The following XKR4 variants were observed in gnomAD, a reference collection of about 807,000 sequenced individuals.
XKR4 encodes XK-related protein 4.
In XKR4, 12 loss-of-function variants were observed where a neutral mutation model predicts 53.9. That is an observed-to-expected ratio of 0.22 (90% CI 0.14 to 0.36). The LOEUF is 0.36. Among genes scored for constraint, XKR4 ranks in the 10% least tolerant of loss-of-function variants. The pLI is 1.00. For missense variants in XKR4, 799 were observed against 859.5 expected (o/e 0.93, Z 0.88); for synonymous variants, 354 against 362.4 (o/e 0.98, Z 0.26).
chr8:55,399,308 A>T (rs188034933), intron 2 of XKR4, among the ~76,000 whole-genome samples: 25 of 152,340 alleles, frequency 1.6e-4, no homozygotes, highest in African/African-American at 6.0e-4. Flanking sequence ...AAGGAGGCAG[A>T]AAGTACCAAA....
Position 55,348,204 on chromosome 8 carries a change from G to A in XKR4, c.807-9474G>A, listed in dbSNP as rs148289039. ...ATGCCTAGAGAAAATGACAAGGACC[G>A]AAGACGTTAAATCACCTCAGTTATG... On this transcript the variant is annotated intron_variant, in intron 1 of 2. Transcript: ENST00000327381. Among the ~76,000 whole-genome samples, 272 of 152,220 alleles carry A rather than the reference G, an allele frequency of 1.8e-3. 5 individuals are homozygous for A. In the South Asian group the frequency reaches 0.022, roughly 13 times the overall value.
rs1806866407 is a variant in XKR4, at chr8:55,525,272, G to A, written c.*1045G>A. 1 of 152,636 alleles carries A rather than the reference G, an allele frequency of 6.6e-6. No homozygotes were observed. The allele number at this position is 152,636 out of a possible 1,614,324, so 9.5% of individuals were successfully genotyped here. ...AGTGCCAAACACCATCCAACCACAG[G>A]ACTGACGTGGAAGCCCCAAACAACT... On this transcript the variant is annotated 3_prime_UTR_variant, in exon 3 of 3. Transcript: ENST00000327381.
chr8:55,226,233 A>C (rs1429149826), intron 1 of XKR4, among the ~76,000 whole-genome samples: 1 of 152,246 alleles, frequency 6.6e-6, no homozygotes, highest in Admixed American at 6.5e-5. Flanking sequence ...GAAATGCCGG[A>C]AATGTGGTTT....
intron 2 of XKR4, among the ~76,000 whole-genome samples, chr8:55,370,906 C>T (rs748545257): frequency 4.0e-5 from 6 of 151,868 alleles, no homozygotes; most frequent in Admixed American, 2.6e-4. Flanking sequence ...CAAGAATGGA[C>T]GCCTGGTATG....
intron 1 of XKR4, among the ~76,000 whole-genome samples, chr8:55,230,067 T>C (rs907946998): frequency 7.9e-5 from 12 of 152,108 alleles, no homozygotes; most frequent in African/African-American, 1.2e-4. Context: ...CTAAGCACAC[T>C]TCCTGACTCC....
chr8:55,296,532 T>A (rs1177750443), intron 1 of XKR4, among the ~76,000 whole-genome samples: 1 of 151,988 alleles, frequency 6.6e-6, no homozygotes, highest in East Asian at 1.9e-4. Flanking sequence ...GCCAATACTA[T>A]TTTTTTTCTT....
intron 2 of XKR4, among the ~76,000 whole-genome samples, chr8:55,494,549 G>T (rs1409660013): frequency 6.6e-6 from 1 of 152,172 alleles, no homozygotes; most frequent in Non-Finnish European, 1.5e-5. Flanking sequence ...TTTATTAAGT[G>T]ATAGAACAGC....
Position 55,541,432 on chromosome 8 carries a change from G to A in XKR4, c.*17205G>A, listed in dbSNP as rs1683021726. On this transcript the variant is annotated 3_prime_UTR_variant, in exon 3 of 3. Coordinates refer to ENST00000327381, the MANE Select transcript of XKR4 (RefSeq NM_052898.2). Reference sequence around the variant, plus strand: ...TAAATCTATCTCTGAAAAAAAAATGGAACAGGTGGCAGGTGAACAGCAAAT... The same window carrying A: ...TAAATCTATCTCTGAAAAAAAAATGAAACAGGTGGCAGGTGAACAGCAAAT... The A allele has an allele frequency of 6.6e-6, 1 of 151,938 alleles. No individual in the cohort carries two copies. Among genetic ancestry groups the A allele is most frequent in the Admixed American group, 6.6e-5 (1 of 15,242 alleles). The allele number at this position is 151,938 out of a possible 1,614,324, so 9.4% of individuals were successfully genotyped here. A position where few individuals can be genotyped will look rare whatever the true frequency, so the allele number is the denominator to read the frequency against.
At position 55,301,169 on chromosome 8, in the gene XKR4, C is replaced by T. The variant is rs538180170; in HGVS notation, c.807-56509C>T. ...CCTCCCCCCACCCCACAACAGACCC[C>T]GGAGTGTGATGTTCCCCTTCCTGTG... On this transcript the variant is annotated intron_variant, in intron 1 of 2. Coordinates refer to ENST00000327381, the MANE Select transcript of XKR4 (RefSeq NM_052898.2). 5.9e-4 allele frequency among the ~76,000 whole-genome samples: 56 copies of T among 94,128 alleles called. No homozygotes were observed. In the South Asian group the frequency reaches 8.7e-3, roughly 15 times the overall value. The allele number at this position is 94,128 out of a possible 152,430, so 61.8% of individuals were successfully genotyped here. A position where few individuals can be genotyped will look rare whatever the true frequency, so the allele number is the denominator to read the frequency against.
chr8:55,323,131 T>C (rs1219265264), intron 1 of XKR4, among the ~76,000 whole-genome samples: 1 of 152,216 alleles, frequency 6.6e-6, no homozygotes, highest in Non-Finnish European at 1.5e-5. Context: ...TAACTAGTGA[T>C]TTTTCTGCAT....
At chr8:55,304,417 C>A (rs551447918) in intron 1 of XKR4, among the ~76,000 whole-genome samples, 1 of 152,110 alleles carries the variant, frequency 6.6e-6, no homozygotes, top group Non-Finnish European at 1.5e-5. Flanking sequence ...TTACTTCCAA[C>A]TATGTGGTCA....
chr8:55,203,879 C>A (rs1817608763), intron 1 of XKR4, among the ~76,000 whole-genome samples: 1 of 152,144 alleles, frequency 6.6e-6, no homozygotes, highest in African/African-American at 2.4e-5. Context: ...CTTTGCAGGG[C>A]ACTATGGAGA....
At chr8:55,346,081 C>CTTTTTT (rs796574998) in intron 1 of XKR4, among the ~76,000 whole-genome samples, 46 of 137,594 alleles carry the variant, frequency 3.3e-4, no homozygotes, top group East Asian at 1.3e-3. Context: ...TTTTCTTTTT[C>CTTTTTT]TTTTTTTTTT....
intron 1 of XKR4, among the ~76,000 whole-genome samples, chr8:55,325,758 C>T (rs566108785): frequency 2.0e-5 from 3 of 152,228 alleles, no homozygotes; most frequent in African/African-American, 7.2e-5. Flanking sequence ...CTTCCTGGCC[C>T]CAAATGTTAT....
chr8:55,198,931 T>C (rs913557067), intron 1 of XKR4, among the ~76,000 whole-genome samples: 1 of 152,166 alleles, frequency 6.6e-6, no homozygotes, highest in African/African-American at 2.4e-5. Flanking sequence ...ACAATCTAAG[T>C]TTGAACCAGC....
At chr8:55,387,375 G>A (rs1381393902) in intron 2 of XKR4, among the ~76,000 whole-genome samples, 1 of 152,158 alleles carries the variant, frequency 6.6e-6, no homozygotes, top group African/African-American at 2.4e-5. Flanking sequence ...TTTTGACAGT[G>A]CCCTTAGGCA....
chr8:55,210,941 T>C (rs529034260), intron 1 of XKR4, among the ~76,000 whole-genome samples: 4 of 152,212 alleles, frequency 2.6e-5, no homozygotes, highest in Non-Finnish European at 5.9e-5. Flanking sequence ...TTCCCCTGAC[T>C]GCACATATGT....
chr8:55,224,878 G>A (rs1308166577), intron 1 of XKR4, among the ~76,000 whole-genome samples: 1 of 152,036 alleles, frequency 6.6e-6, no homozygotes, highest in East Asian at 1.9e-4. Context: ...TCAAATAATG[G>A]CATTTACTGT....
chr8:55,454,297 C>T (rs770756846), intron 2 of XKR4: 19 of 1,435,522 alleles, frequency 1.3e-5, no homozygotes, highest in African/African-American at 2.8e-5. Context: ...CCTGGAAGGC[C>T]GCATTGACCC....
Sources: gnomAD v4.1 joint callset for allele counts (sites outside exome capture counted in the v4.1 genomes callset) on GRCh38, gnomAD v4.1.1 for gene constraint, MANE v1.5 for transcripts, NCBI Gene and HGNC (gene_info 2026-07-23, HGNC 2026-07-21) for gene names.